The following SLC38A1 variants were observed in gnomAD, a reference collection of about 807,000 sequenced individuals.
SLC38A1 encodes sodium-coupled neutral amino acid symporter 1.
SLC38A1 carries 18 observed loss-of-function variants against 60.3 expected under a neutral mutation model. That is an observed-to-expected ratio of 0.30 (90% CI 0.21 to 0.44). SLC38A1 has a LOEUF of 0.44. Ranked by LOEUF, SLC38A1 falls within the 20% of genes least tolerant of loss-of-function variation. The probability of loss-of-function intolerance (pLI) is 1.00; values close to 1 mark genes in which losing one functional copy is unlikely to be tolerated. For synonymous variants in SLC38A1, 196 were observed against 212.1 expected (o/e 0.92, Z 0.66); for missense variants, 448 against 587.2 (o/e 0.76, Z 2.45).
At chr12:46,252,143 G>T (rs902243744) in intron 1 of SLC38A1, among the ~76,000 whole-genome samples, 1 of 152,146 alleles carries the variant, frequency 6.6e-6, no homozygotes, top group Non-Finnish European at 1.5e-5. Flanking sequence ...ATACACCATG[G>T]AATACTATGC....
chr12:46,244,401 G>A (rs1941546889), intron 1 of SLC38A1, among the ~76,000 whole-genome samples: 1 of 152,180 alleles, frequency 6.6e-6, no homozygotes, highest in African/African-American at 2.4e-5. Flanking sequence ...TTTCAGTCCA[G>A]TTCTATAAAG....
chr12:46,190,706 A>T (rs1014847897), intron 16 of SLC38A1, among the ~76,000 whole-genome samples: 1 of 152,130 alleles, frequency 6.6e-6, no homozygotes, highest in Non-Finnish European at 1.5e-5. Context: ...GCATTTTTTC[A>T]TGTGTCTGTT....
chr12:46,257,303 A>G lies in SLC38A1; in HGVS notation c.-209+11223T>C, dbSNP rs1252280325. On this transcript the variant is annotated intron_variant, in intron 1 of 16. Transcript: ENST00000398637. ...CCAAGCCCATTCTTAGCCAAGAGGG[A>G]TTTTATGAGAAGGACTTTACTGAGA... Among the ~76,000 whole-genome samples, 4 of 152,284 alleles carry G rather than the reference A, an allele frequency of 2.6e-5. No homozygotes were observed. The East Asian group carries it at 7.7e-4, about 29-fold the overall frequency.
intron 3 of SLC38A1, among the ~76,000 whole-genome samples, chr12:46,231,971 CAT>C (rs1240489957): frequency 6.6e-6 from 1 of 152,192 alleles, no homozygotes; most frequent in Non-Finnish European, 1.5e-5. Flanking sequence ...TTAAATGAAA[CAT>C]ATGTATCATT....
chr12:46,252,098 T>G (rs1390399438), intron 1 of SLC38A1, among the ~76,000 whole-genome samples: 2 of 152,102 alleles, frequency 1.3e-5, no homozygotes, highest in Non-Finnish European at 2.9e-5. Context: ...CAAATGTCCA[T>G]CGATGATAGA....
At chr12:46,202,382 G>A (rs770978360) in intron 12 of SLC38A1, among the ~76,000 whole-genome samples, 1 of 152,048 alleles carries the variant, frequency 6.6e-6, no homozygotes. Flanking sequence ...TTTAAGATAC[G>A]CTATTGTGAC....
chr12:46,238,695 G>C (rs1941340683), intron 3 of SLC38A1, among the ~76,000 whole-genome samples: 1 of 152,166 alleles, frequency 6.6e-6, no homozygotes, highest in Non-Finnish European at 1.5e-5. Flanking sequence ...CTACTCTTGT[G>C]ATGTAAGCAA....
At position 46,211,008 on chromosome 12, in the gene SLC38A1, G is replaced by A. The variant is rs191172638; in HGVS notation, c.315-1881C>T. Among the ~76,000 whole-genome samples, 25 of 152,318 alleles carry A rather than the reference G, an allele frequency of 1.6e-4. No individual in the cohort carries two copies. In the East Asian group the frequency reaches 4.6e-3, roughly 28 times the overall value. On this transcript the variant is annotated intron_variant, in intron 5 of 16. Coordinates refer to ENST00000398637, the MANE Select transcript of SLC38A1 (RefSeq NM_030674.4). ...TAGTTCTGAGATACGTAATGGAACA[G>A]GATTTGATATGCTCTGCCACAGAAT...
intron 5 of SLC38A1, among the ~76,000 whole-genome samples, chr12:46,226,003 C>A (rs1940848643): frequency 6.6e-6 from 1 of 152,186 alleles, no homozygotes; most frequent in African/African-American, 2.4e-5. Flanking sequence ...CTGATTTGAA[C>A]AACCCATATG....
chr12:46,196,022 C>G (rs976761063), intron 16 of SLC38A1: 12 of 867,122 alleles, frequency 1.4e-5, no homozygotes, highest in Admixed American at 4.6e-5. Context: ...AGAAATCACC[C>G]ATCTTCTACA....
intron 5 of SLC38A1, among the ~76,000 whole-genome samples, chr12:46,215,164 T>C (rs1940349168): frequency 1.3e-5 from 2 of 152,228 alleles, no homozygotes; most frequent in South Asian, 2.1e-4. Context: ...TTGTGGTGTA[T>C]ACATTCCAGT....
chr12:46,207,874 A>G (rs1332022998), intron 6 of SLC38A1, among the ~76,000 whole-genome samples: 1 of 152,228 alleles, frequency 6.6e-6, no homozygotes, highest in Non-Finnish European at 1.5e-5. Flanking sequence ...CAATTAACCT[A>G]TTAGGTCATA....
Position 46,268,873 on chromosome 12 carries a change from G to T in SLC38A1, c.-556C>A, listed in dbSNP as rs138950838. The T allele has an allele frequency of 2.4e-5, 11 of 455,794 alleles. No individual in the cohort carries two copies. In the Middle Eastern group the frequency reaches 1.6e-3, roughly 67 times the overall value. 28.2% of individuals were successfully genotyped at this position (455,794 alleles called of 1,614,324 possible). ...GCCGGCCTCGCACTTACATCGACAT[G>T]CACCGGCGCTGAGGGTCACGAATCG... On this transcript the variant is annotated 5_prime_UTR_variant, in exon 1 of 17. The change creates a premature stop within an existing upstream ORF in the 5' untranslated region. Coordinates refer to ENST00000398637, the MANE Select transcript of SLC38A1 (RefSeq NM_030674.4). This position sits in a 1 kb window ranked among gnomAD's most constrained non-coding sequence, Gnocchi z 4.4.
At chr12:46,240,535 T>C (rs985124438) in intron 2 of SLC38A1, among the ~76,000 whole-genome samples, 5 of 152,188 alleles carry the variant, frequency 3.3e-5, no homozygotes, top group African/African-American at 1.2e-4. Flanking sequence ...TCAGTTATTT[T>C]AATGTGTCAG....
chr12:46,231,684 C>T (rs1027648045), intron 3 of SLC38A1, among the ~76,000 whole-genome samples: 2 of 152,214 alleles, frequency 1.3e-5, no homozygotes, highest in Non-Finnish European at 2.9e-5. Context: ...GAGACAGAGT[C>T]TCACTCAGTC....
intron 1 of SLC38A1, among the ~76,000 whole-genome samples, chr12:46,263,111 A>G (rs1468887196): frequency 6.6e-6 from 1 of 152,220 alleles, no homozygotes; most frequent in East Asian, 1.9e-4. Context: ...AAAAAATAAA[A>G]GTGATAAGGG....
rs1262873974 is a variant in SLC38A1, at chr12:46,206,058, T to C, written c.646+22A>G. The C allele has an allele frequency of 3.2e-6, 5 of 1,560,460 alleles. No individual in the cohort carries two copies. In the African/African-American group the frequency reaches 5.4e-5, roughly 17 times the overall value. ...TTCACTTGGGCACTGCAGAATATGA[T>C]AAAAGCAAAATCTGTCCTTACCTAA... is the stretch of plus-strand genomic sequence containing the variant. On this transcript the variant is annotated intron_variant, in intron 9 of 16. Transcript: ENST00000398637.
At chr12:46,204,485 C>T in intron 10 of SLC38A1, 47 bp downstream of exon 10, 1 of 1,594,860 alleles carries the variant, frequency 6.3e-7, no homozygotes. Flanking sequence ...TATTACATGC[C>T]ATTGTACTAT....
chr12:46,248,163 A>C (rs1463275411), intron 1 of SLC38A1, among the ~76,000 whole-genome samples: 1 of 152,232 alleles, frequency 6.6e-6, no homozygotes, highest in African/African-American at 2.4e-5. Context: ...TCATAATGAC[A>C]GGATCAAACT....
Sources: gnomAD v4.1 joint callset for allele counts (sites outside exome capture counted in the v4.1 genomes callset) on GRCh38, gnomAD v4.1.1 for gene constraint, Gnocchi (gnomAD v3.1) non-coding constraint, MANE v1.5 for transcripts, NCBI Gene and HGNC (gene_info 2026-07-23, HGNC 2026-07-21) for gene names.